The following ARSF variants were observed in gnomAD, a reference collection of about 807,000 sequenced individuals.
ARSF encodes the protein arylsulfatase F.
A neutral mutation model predicts 35.4 loss-of-function variants in ARSF; 33 were observed. The observed-to-expected ratio is 0.93, with a 90% CI of 0.71 to 1.25. The LOEUF is 1.25. Among genes scored for constraint, ARSF ranks in the 50% most tolerant of loss-of-function variants. The pLI, the probability that ARSF is intolerant of heterozygous loss-of-function variation, is 0.00. For missense variants in ARSF, 501 were observed against 480.2 expected (o/e 1.04, Z -0.40); for synonymous variants, 222 against 193.1 (o/e 1.15, Z -1.24).
At position 3,073,867 on chromosome X, in the gene ARSF, T is replaced by C. The variant is rs2090127897; in HGVS notation, c.161+1692T>C. 2.8e-5 allele frequency among the ~76,000 whole-genome samples: 3 copies of C among 108,389 alleles called. No individual in the cohort carries two copies. The Admixed American group carries it at 3.1e-4, about 11-fold the overall frequency. 94.1% of individuals were successfully genotyped at this position (108,389 alleles called of 115,157 possible). On this transcript the variant is annotated intron_variant, in intron 3 of 10. Transcript: ENST00000381127. Reference sequence around the variant, plus strand: ...TAGATTCTTTAAGATGGTGAGCTTGTATTTTTAACAATGGGCATTCTGAAA... The same window carrying C: ...TAGATTCTTTAAGATGGTGAGCTTGCATTTTTAACAATGGGCATTCTGAAA...
chrX:3,064,589 C>T (rs1252992193), intron 1 of ARSF, among the ~76,000 whole-genome samples: 1 of 111,633 alleles, frequency 9.0e-6, no homozygotes, highest in African/African-American at 3.3e-5. Flanking sequence ...CTACAAAGAA[C>T]ATAAACAAAT....
intron 1 of ARSF, among the ~76,000 whole-genome samples, chrX:3,056,721 T>G (rs1374883139): frequency 8.9e-6 from 1 of 111,875 alleles, no homozygotes; most frequent in African/African-American, 3.2e-5. Context: ...TTTATCTCAA[T>G]CTTAAACAAA....
rs768108121 is a variant in ARSF at position 3,112,277 on chromosome X, T to A, written c.1494T>A (p.Val498=). Residue 498 remains valine (V), a synonymous_variant, in exon 11 of 11, where the codon GTT becomes GTA. Coordinates refer to ENST00000381127, the MANE Select transcript of ARSF (RefSeq NM_001201539.2). ...TATGCAGATGTTTCGGAGAACAGGT[T>A]ACCTACCACAACCCCCCTCTGCTCT... ...TSLCRCFGEQ[V]TYHNPPLLFD... 3 of 1,208,363 alleles carry A rather than the reference T, an allele frequency of 2.5e-6. No homozygotes were observed. In the East Asian group the frequency reaches 8.9e-5, roughly 36 times the overall value.
chrX:3,043,031 T>G (rs760359066), intron 1 of ARSF, among the ~76,000 whole-genome samples: 1 of 110,087 alleles, frequency 9.1e-6, no homozygotes, highest in East Asian at 2.9e-4. Context: ...GGCATGTGCC[T>G]GTAATCCCAG....
At chrX:3,109,074 C>T (rs903773743) in intron 9 of ARSF, among the ~76,000 whole-genome samples, 5 of 111,567 alleles carry the variant, frequency 4.5e-5, no homozygotes, top group Non-Finnish European at 9.4e-5. Context: ...AATCCCAGCA[C>T]TTTGAGAGGC....
In ARSF at chrX:3,110,138, G is replaced by C; in HGVS notation, c.1276G>C (p.Gly426Arg). Residue 426 changes from glycine (G) to arginine (R), a missense_variant, in exon 10 of 11, where the codon GGC becomes CGC. By Grantham distance (125) the Gly-to-Arg change is moderately radical. Transcript: ENST00000381127. The stretch of plus-strand genomic sequence containing the variant: ...TCTGTGTCTCTGCAGGGTCATTGAC[G>C]GCCGAGACCTCATGCCCTTGCTGCA... ...GSLPQDRVID[G>R]RDLMPLLQGN... is the part of the protein sequence containing the mutation. 1 of 1,184,675 alleles carries C rather than the reference G, an allele frequency of 8.4e-7. No individual in the cohort carries two copies. The highest frequency in any genetic ancestry group is 1.1e-6 in the Non-Finnish European group (1 of 881,453).
In ARSF at chrX:3,096,937, T is replaced by C. The variant is rs1272351888; in HGVS notation, c.968-4150T>C. Among the ~76,000 whole-genome samples the C allele has an allele frequency of 7.2e-5, 8 of 110,893 alleles. No homozygotes were observed. In the South Asian group the frequency reaches 3.1e-3, roughly 43 times the overall value. On this transcript the variant is annotated intron_variant, in intron 7 of 10. Coordinates refer to ENST00000381127, the MANE Select transcript of ARSF (RefSeq NM_001201539.2). ...TGAGGTCATTGGGGGTGGGTCCTAA[T>C]CCGATATGGTGAATTAGGATGAGGC...
At chrX:3,103,564 A>G (rs2090393327) in intron 8 of ARSF, among the ~76,000 whole-genome samples, 198 bp from the exon 9 acceptor site, 1 of 111,980 alleles carries the variant, frequency 8.9e-6, no homozygotes, top group East Asian at 2.8e-4. Context: ...ATGCTTAGTT[A>G]TTTAATCAAA....
chrX:3,076,498 G>GC lies in ARSF; in HGVS notation c.162-44dup, dbSNP rs780094066. 198 of 1,122,166 alleles carry GC rather than the reference G, an allele frequency of 1.8e-4. 1 individual carries two copies. Among genetic ancestry groups the GC allele is most frequent in the Admixed American group, 2.8e-4 (10 of 35,673 alleles). 92.5% of individuals were successfully genotyped at this position (1,122,166 alleles called of 1,213,427 possible). Reference sequence around the variant, plus strand: ...CTCGCTCTTCCTCTCTGCTTCCCCCGCCCCCCACCTTTTCCTTCTCTCCAA... The same window carrying GC: ...CTCGCTCTTCCTCTCTGCTTCCCCCGCCCCCCCACCTTTTCCTTCTCTCCAA... On this transcript the variant is annotated intron_variant, in intron 3 of 10. Coordinates refer to ENST00000381127, the MANE Select transcript of ARSF (RefSeq NM_001201539.2).
chrX:3,061,767 A>G (rs2090043029), intron 1 of ARSF, among the ~76,000 whole-genome samples: 1 of 111,847 alleles, frequency 8.9e-6, no homozygotes, highest in African/African-American at 3.3e-5. Context: ...CTAAATATAT[A>G]TGCACCCAAT....
intron 1 of ARSF, among the ~76,000 whole-genome samples, chrX:3,051,209 C>T (rs1487081355): frequency 9.0e-6 from 1 of 111,432 alleles, no homozygotes; most frequent in Non-Finnish European, 1.9e-5. Context: ...AAGTGTGTCA[C>T]CTTTCCTGGC....
chrX:3,094,408 C>A (rs1322549640), intron 7 of ARSF, among the ~76,000 whole-genome samples: 1 of 111,858 alleles, frequency 8.9e-6, no homozygotes, highest in Non-Finnish European at 1.9e-5. Context: ...CAGAAAAACT[C>A]CAAAAACTTC....
intron 5 of ARSF, among the ~76,000 whole-genome samples, chrX:3,084,002 TTATCC>T (rs1231553448): frequency 2.7e-5 from 3 of 112,066 alleles, no homozygotes; most frequent in African/African-American, 9.7e-5. Context: ...CCCTTATTGT[TTATCC>T]TATCCTGTTG....
chrX:3,076,885 A>T (rs1045074589), intron 4 of ARSF, among the ~76,000 whole-genome samples: 20 of 111,381 alleles, frequency 1.8e-4, no homozygotes, highest in Non-Finnish European at 1.3e-4. Context: ...TCTCCACAAA[A>T]TTTTTTTAAA....
chrX:3,079,994 AGAG>A (rs2090186937), intron 4 of ARSF, among the ~76,000 whole-genome samples: 1 of 88,271 alleles, frequency 1.1e-5, no homozygotes, highest in Non-Finnish European at 2.2e-5. Context: ...AAAAAAAAAG[AGAG>A]AGAGAGAAAA....
chrX:3,103,953 C>T lies in ARSF; in HGVS notation c.1265+29C>T, dbSNP rs758760556. 12 of 1,187,034 alleles carry T rather than the reference C, an allele frequency of 1.0e-5. No individual in the cohort carries two copies. In the African/African-American group the frequency reaches 1.4e-4, roughly 14 times the overall value. ...ATGTCATATAAACTGTTAACAAGAG[C>T]TTATTTTCACCCTTCTTCCTTCTCA... On this transcript the variant is annotated intron_variant, in intron 9 of 10. Coordinates refer to ENST00000381127, the MANE Select transcript of ARSF (RefSeq NM_001201539.2).
intron 5 of ARSF, 141 bp downstream of exon 5, chrX:3,081,154 A>T (rs866235732): frequency 1.1e-6 from 1 of 875,695 alleles, no homozygotes; most frequent in African/African-American, 2.0e-5. Context: ...CTACAATCCC[A>T]GTACTTTGGG....
At position 3,081,062 on chromosome X, in the gene ARSF, C is replaced by T. The variant is rs771951986; in HGVS notation, c.406+49C>T. 28 of 1,181,380 alleles carry T rather than the reference C, an allele frequency of 2.4e-5. No individual in the cohort carries two copies. The South Asian group carries it at 4.7e-4, about 20-fold the overall frequency. On this transcript the variant is annotated intron_variant, in intron 5 of 10. Transcript: ENST00000381127. ...GTCATTGATCATAAGGTAATCATGT[C>T]CTTTGTTCTACCCTTGATTTATGAC...
intron 4 of ARSF, 57 bp downstream of exon 4, chrX:3,076,726 C>G: frequency 8.5e-7 from 1 of 1,178,016 alleles, no homozygotes; most frequent in Non-Finnish European, 1.1e-6. Flanking sequence ...TGTGAGGAAA[C>G]AAAAATGTGG....
Sources: allele counts gnomAD v4.1 joint callset (sites outside exome capture counted in the v4.1 genomes callset), GRCh38; gene constraint gnomAD v4.1.1; transcripts MANE v1.5; gene names NCBI Gene and HGNC (gene_info 2026-07-23, HGNC 2026-07-21).